MYO18B: variants seen among roughly 807,000 people sequenced by gnomAD.
MYO18B encodes unconventional myosin-XVIIIb.
In MYO18B, 204 loss-of-function variants were observed where a neutral mutation model predicts 273.0. That is an observed-to-expected ratio of 0.75 (90% CI 0.67 to 0.84). MYO18B has a LOEUF of 0.84. MYO18B is among the 40% of genes least tolerant of loss of function. The pLI is 0.00. For synonymous variants in MYO18B, 1,330 were observed against 1,305.7 expected (o/e 1.02, Z -0.40); for missense variants, 3,212 against 3,287.6 (o/e 0.98, Z 0.56).
At chr22:25,766,984 A>G (rs1650984440) in intron 3 of MYO18B, among the ~76,000 whole-genome samples, 1 of 152,224 alleles carries the variant, frequency 6.6e-6, no homozygotes, top group Non-Finnish European at 1.5e-5. Context: ...TGGAATCAAC[A>G]TGCCCCTGGG....
chr22:25,997,314 A>ACAAAC lies in MYO18B; in HGVS notation c.6287+4821_6287+4822insCAAAC, dbSNP rs1478368077. Among the ~76,000 whole-genome samples, 8 of 148,794 alleles carry ACAAAC rather than the reference A, an allele frequency of 5.4e-5. 1 individual carries two copies. Among genetic ancestry groups the ACAAAC allele is most frequent in the African/African-American group, 2.0e-4 (8 of 39,870 alleles). On this transcript the variant is annotated intron_variant, in intron 40 of 43. Coordinates refer to ENST00000335473, the MANE Select transcript of MYO18B (RefSeq NM_032608.7). ...AGTGAAACTCTGTCGCCAAAAAAAA[A>ACAAAC]AAAAAAAAAAAAAAAACGAAGGAAA... is the stretch of plus-strand genomic sequence containing the variant.
intron 21 of MYO18B, among the ~76,000 whole-genome samples, chr22:25,860,490 T>A (rs1249559167): frequency 2.6e-5 from 4 of 152,222 alleles, no homozygotes; most frequent in Non-Finnish European, 4.4e-5. Context: ...GGTTAAAGCA[T>A]ACATTTTCCT....
In MYO18B at chr22:25,769,411, A is replaced by C; in HGVS notation, c.1495A>C (p.Ser499Arg). The C allele has an allele frequency of 6.4e-7, 1 of 1,555,040 alleles. No homozygotes were observed. The highest frequency in any genetic ancestry group is 8.7e-7 in the Non-Finnish European group (1 of 1,150,574). The change falls in exon 4 of 44, where the codon AGC becomes CGC. Residue 499 changes from serine (S) to arginine (R), a missense_variant. By Grantham distance (110) the Ser-to-Arg change is moderately radical (BLOSUM62 -1). Transcript: ENST00000335473. Reference sequence around the variant, plus strand: ...GCAGGAGGAGGGCAAAGGAGGCCAGAGCAGAGACTCAGACCAGGTGAGGGG... The same window carrying C: ...GCAGGAGGAGGGCAAAGGAGGCCAGCGCAGAGACTCAGACCAGGTGAGGGG... ...APQEEGKGGQ[S>R]RDSDQAPEDR...
At chr22:25,984,759 T>C (rs2093183037) in intron 39 of MYO18B, among the ~76,000 whole-genome samples, 1 of 151,564 alleles carries the variant, frequency 6.6e-6, no homozygotes, top group South Asian at 2.1e-4. Context: ...ATTGTACCAC[T>C]GCACTCTCCA....
intron 25 of MYO18B, among the ~76,000 whole-genome samples, chr22:25,887,126 G>C (rs2091522818): frequency 6.6e-6 from 1 of 152,210 alleles, no homozygotes; most frequent in Admixed American, 6.5e-5. Context: ...GACAGTCTAT[G>C]AATATAAGAG....
At chr22:25,875,008 T>C (rs75587694) in intron 23 of MYO18B, among the ~76,000 whole-genome samples, 2,297 of 152,364 alleles carry the variant, frequency 0.015, 69 homozygotes, top group African/African-American at 0.053. Context: ...CTTAGAATTG[T>C]TATTCTTAAT....
chr22:25,797,715 G>T (rs116503383), intron 11 of MYO18B, among the ~76,000 whole-genome samples: 1 of 152,280 alleles, frequency 6.6e-6, no homozygotes, highest in African/African-American at 2.4e-5. Flanking sequence ...TGTAATGCGT[G>T]CACACATGAA....
chr22:25,766,808 T>C (rs4822648), intron 3 of MYO18B, among the ~76,000 whole-genome samples: 33,909 of 152,162 alleles, frequency 0.22, 4,917 homozygotes, highest in African/African-American at 0.39. Context: ...TGGTGCCAAA[T>C]GATTTTCCTT....
At chr22:25,858,345 A>G (rs996765441) in intron 21 of MYO18B, among the ~76,000 whole-genome samples, 2 of 152,228 alleles carry the variant, frequency 1.3e-5, no homozygotes, top group South Asian at 2.1e-4. Context: ...CCATTGGACC[A>G]TGGTGTGGGC....
At chr22:25,947,543 C>CACACACAA (rs60582589) in intron 35 of MYO18B, among the ~76,000 whole-genome samples, 169 bp from the exon 36 acceptor site, 1 of 144,808 alleles carries the variant, frequency 6.9e-6, no homozygotes, top group African/African-American at 2.6e-5. Context: ...CACACACACA[C>CACACACAA]CAAGCTGTTA....
chr22:25,754,747 G>T (rs1335082822), intron 1 of MYO18B, among the ~76,000 whole-genome samples: 1 of 152,230 alleles, frequency 6.6e-6, no homozygotes, highest in Non-Finnish European at 1.5e-5. Context: ...CGGCGGGATT[G>T]GCTCCTGGCC....
intron 7 of MYO18B, 52 bp downstream of exon 7, chr22:25,772,562 T>C: frequency 1.9e-6 from 3 of 1,538,538 alleles, no homozygotes; most frequent in Non-Finnish European, 2.6e-6. Context: ...CAGGGGGGCC[T>C]GGGGGGATCC....
intron 39 of MYO18B, among the ~76,000 whole-genome samples, chr22:25,973,402 G>T (rs190464374): frequency 6.6e-6 from 1 of 152,298 alleles, no homozygotes; most frequent in African/African-American, 2.4e-5. Context: ...CAGAACGTAG[G>T]ACAGAACCCA....
intron 32 of MYO18B, among the ~76,000 whole-genome samples, chr22:25,908,727 A>C (rs1203949667): frequency 6.6e-6 from 1 of 152,220 alleles, no homozygotes. Context: ...TGTAAATTTC[A>C]ATAATAGAAC....
chr22:26,038,784 T>C, the MYO18B span, among the ~76,000 whole-genome samples: 1 of 152,208 alleles, frequency 6.6e-6, no homozygotes, highest in Non-Finnish European at 1.5e-5. Flanking sequence ...GTATCTTATC[T>C]TTCCTGCCTC....
rs2086572465 is a variant in MYO18B at position 25,768,154 on chromosome 22, A to T, written c.238A>T (p.Ser80Cys). Residue 80 changes from serine to cysteine, a missense_variant, in exon 4 of 44, where the codon AGC (serine) becomes TGC (cysteine). Transcript: ENST00000335473. Reference sequence around the variant, plus strand: ...CATCAGCCAACCCAACAGCAAGTCCAGCAGTGGCACCAGATCTGGAAGCCA... The same window carrying T: ...CATCAGCCAACCCAACAGCAAGTCCTGCAGTGGCACCAGATCTGGAAGCCA... ...ISISQPNSKS[S>C]SGTRSGSQQI... 4 of 1,610,990 alleles carry T rather than the reference A, an allele frequency of 2.5e-6. No individual in the cohort carries two copies. The highest frequency in any genetic ancestry group is 3.4e-6 in the Non-Finnish European group (4 of 1,178,262).
intron 39 of MYO18B, among the ~76,000 whole-genome samples, chr22:25,960,982 CTA>C (rs1331683839): frequency 6.6e-6 from 1 of 151,560 alleles, no homozygotes; most frequent in Admixed American, 6.6e-5. Context: ...GACCCCATCT[CTA>C]TGAAAGAGAA....
At chr22:25,915,045 T>C (rs1425072413) in intron 33 of MYO18B, among the ~76,000 whole-genome samples, 1 of 149,774 alleles carries the variant, frequency 6.7e-6, no homozygotes, top group Admixed American at 6.6e-5. Context: ...CTCAACAAAT[T>C]TAAAAAAAAA....
At chr22:25,956,431 G>T (rs997101379) in intron 39 of MYO18B, among the ~76,000 whole-genome samples, 3 of 152,128 alleles carry the variant, frequency 2.0e-5, no homozygotes, top group African/African-American at 7.2e-5. Flanking sequence ...GCCCAGGCTG[G>T]TCTCAAACTC....
Sources: allele counts gnomAD v4.1 joint callset (sites outside exome capture counted in the v4.1 genomes callset), GRCh38; gene constraint gnomAD v4.1.1; transcripts MANE v1.5; gene names NCBI Gene and HGNC (gene_info 2026-07-23, HGNC 2026-07-21).